Variants in PCDHA11 observed in about 807,000 individuals in gnomAD.
PCDHA11 encodes protocadherin alpha 11.
PCDHA11 carries 61 observed loss-of-function variants against 70.3 expected under a neutral mutation model. The observed-to-expected ratio is 0.87, with a 90% CI of 0.71 to 1.07. PCDHA11 has a LOEUF of 1.07. Ranked by LOEUF, PCDHA11 falls within the 50% of genes least tolerant of loss-of-function variation. PCDHA11 has a pLI of 0.00. For synonymous variants in PCDHA11, 633 were observed against 555.1 expected (o/e 1.14, Z -1.97); for missense variants, 1,324 against 1,237.5 (o/e 1.07, Z -1.05).
At chr5:140,925,084 A>AGGAAGGAAGGAAGGAAGGAAGGAG (rs1554202501) in intron 1 of PCDHA11, among the ~76,000 whole-genome samples, 2 of 144,612 alleles carry the variant, frequency 1.4e-5, no homozygotes, top group African/African-American at 5.6e-5. Context: ...TCATCTGGAA[A>AGGAAGGAAGGAAGGAAGGAAGGAG]GGAAGGAAGG....
intron 3 of PCDHA11, among the ~76,000 whole-genome samples, chr5:140,986,050 T>G (rs1221001446): frequency 6.6e-6 from 1 of 152,226 alleles, no homozygotes; most frequent in Non-Finnish European, 1.5e-5. Flanking sequence ...CACTGATGAA[T>G]TCTTTTGCTT....
At chr5:141,009,034 C>T (rs183192515) in intron 3 of PCDHA11, among the ~76,000 whole-genome samples, 64 of 152,344 alleles carry the variant, frequency 4.2e-4, no homozygotes, top group African/African-American at 1.5e-3. Context: ...TTTCCCATCC[C>T]GTTCCCAGTC....
chr5:140,881,332 C>T (rs923599590), intron 1 of PCDHA11: 7 of 984,540 alleles, frequency 7.1e-6, no homozygotes, highest in South Asian at 9.4e-5. Flanking sequence ...TTAACCAGGA[C>T]GCCGATTCGG....
chr5:140,929,180 G>A, intron 1 of PCDHA11: 1 of 1,614,150 alleles, frequency 6.2e-7, no homozygotes, highest in Non-Finnish European at 8.5e-7. Context: ...CTGGGACTTG[G>A]TTCTGATAAT....
intron 1 of PCDHA11, among the ~76,000 whole-genome samples, chr5:140,947,749 T>TC (rs1316656181): frequency 6.6e-6 from 1 of 151,628 alleles, no homozygotes; most frequent in Non-Finnish European, 1.5e-5. Flanking sequence ...TCTTATGTAT[T>TC]TTATGGTTTA....
intron 1 of PCDHA11, among the ~76,000 whole-genome samples, chr5:140,898,214 T>C (rs1285649893): frequency 1.3e-5 from 2 of 152,238 alleles, no homozygotes; most frequent in African/African-American, 4.8e-5. Flanking sequence ...TTTGTCAATT[T>C]TGGCTTTTGT....
At position 140,960,349 on chromosome 5, in the gene PCDHA11, A is replaced by T. The variant is rs936485666; in HGVS notation, c.2392-18600A>T. Among the ~76,000 whole-genome samples, 8 of 152,238 alleles carry T rather than the reference A, an allele frequency of 5.3e-5. No homozygotes were observed. The East Asian group carries it at 1.3e-3, about 26-fold the overall frequency. ...GAGAAGTACATGAGGTGAGATATGTACTGAAATAATATGCCAACTCTTAAG... is the reference window on the plus strand; with the variant it reads ...GAGAAGTACATGAGGTGAGATATGTTCTGAAATAATATGCCAACTCTTAAG... On this transcript the variant is annotated intron_variant, in intron 1 of 3. Coordinates refer to ENST00000398640, the MANE Select transcript of PCDHA11 (RefSeq NM_018902.5).
chr5:140,906,327 A>G (rs1240461628), intron 1 of PCDHA11, among the ~76,000 whole-genome samples: 2 of 152,322 alleles, frequency 1.3e-5, no homozygotes, highest in African/African-American at 4.8e-5. Flanking sequence ...TGATACAACT[A>G]TCCTTCATAC....
chr5:140,962,023 A>G (rs565113928), intron 1 of PCDHA11, among the ~76,000 whole-genome samples: 3 of 152,062 alleles, frequency 2.0e-5, no homozygotes, highest in African/African-American at 7.2e-5. Flanking sequence ...AGCTGGGACT[A>G]CAGGCACCCA....
chr5:141,007,647 A>T (rs1554261419), intron 3 of PCDHA11, among the ~76,000 whole-genome samples: 1 of 152,174 alleles, frequency 6.6e-6, no homozygotes, highest in Admixed American at 6.5e-5. Context: ...GTATTTGCCT[A>T]AAAAACCATA....
chr5:140,921,168 C>A (rs1260180010), intron 1 of PCDHA11, among the ~76,000 whole-genome samples: 1 of 151,534 alleles, frequency 6.6e-6, no homozygotes, highest in Non-Finnish European at 1.5e-5. Context: ...TTTTAACACA[C>A]ATAAAGCACA....
At chr5:140,885,291 G>A (rs1554182107) in intron 1 of PCDHA11, among the ~76,000 whole-genome samples, 6 of 152,132 alleles carry the variant, frequency 3.9e-5, no homozygotes, top group Non-Finnish European at 8.8e-5. Context: ...TATATAGAGA[G>A]AGACCTGGTA....
Position 140,947,404 on chromosome 5 carries a change from T to C in PCDHA11, c.2392-31545T>C, listed in dbSNP as rs1305199507. On this transcript the variant is annotated intron_variant, in intron 1 of 3. Transcript: ENST00000398640. ...ATCCTTTCACTAAAAGTAGACTGTC[T>C]TGATATTGTAGCTTTATAAATTTGA... is the stretch of plus-strand genomic sequence containing the variant. Among the ~76,000 whole-genome samples the C allele has an allele frequency of 2.6e-5, 4 of 151,736 alleles. No individual in the cohort carries two copies. In the East Asian group the frequency reaches 5.8e-4, roughly 22 times the overall value.
intron 1 of PCDHA11, among the ~76,000 whole-genome samples, chr5:140,919,778 A>G (rs1252402940): frequency 2.6e-5 from 4 of 152,170 alleles, no homozygotes; most frequent in Non-Finnish European, 5.9e-5. Context: ...TGTTACACAT[A>G]TTACATCTTG....
At chr5:140,899,974 C>A (rs2067653485) in intron 1 of PCDHA11, among the ~76,000 whole-genome samples, 1 of 151,766 alleles carries the variant, frequency 6.6e-6, no homozygotes, top group Non-Finnish European at 1.5e-5. Context: ...TGCCCAGCTA[C>A]TTTTTTGATT....
chr5:140,987,433 T>C (rs2097253895), intron 3 of PCDHA11, among the ~76,000 whole-genome samples: 1 of 152,108 alleles, frequency 6.6e-6, no homozygotes. Flanking sequence ...CAGGGGGCCT[T>C]TCCCCATGCC....
At chr5:140,946,976 G>A (rs2094064804) in intron 1 of PCDHA11, among the ~76,000 whole-genome samples, 1 of 151,532 alleles carries the variant, frequency 6.6e-6, no homozygotes, top group Admixed American at 6.6e-5. Context: ...ATAGAATAGA[G>A]GATTTTGAGT....
intron 1 of PCDHA11, among the ~76,000 whole-genome samples, chr5:140,914,386 G>A (rs565819670): frequency 2.6e-5 from 4 of 152,216 alleles, no homozygotes; most frequent in East Asian, 1.9e-4. Flanking sequence ...TGTTATAAGT[G>A]TAGTTACCCC....
intron 1 of PCDHA11, among the ~76,000 whole-genome samples, chr5:140,944,191 G>A (rs181232402): frequency 6.6e-6 from 1 of 151,980 alleles, no homozygotes. Flanking sequence ...GGTTTGTTTT[G>A]TTTTGTTTTG....
Sources: gnomAD v4.1 joint callset for allele counts (sites outside exome capture counted in the v4.1 genomes callset) on GRCh38, gnomAD v4.1.1 for gene constraint, MANE v1.5 for transcripts, NCBI Gene and HGNC (gene_info 2026-07-23, HGNC 2026-07-21) for gene names.